Variants in ROBO2 observed in about 807,000 individuals in gnomAD.
ROBO2 encodes roundabout guidance receptor 2, also known as roundabout homolog 2.
Under a neutral mutation model 160.8 loss-of-function variants are expected in ROBO2, and 53 were observed. The ratio of observed to expected loss-of-function variants is 0.33; its 90% CI spans 0.26 to 0.41. The LOEUF (loss-of-function observed/expected upper bound fraction) is 0.41, where lower values mean the gene tolerates loss of function less well. ROBO2 is among the 10% of genes least tolerant of loss of function. The pLI, the probability that ROBO2 is intolerant of heterozygous loss-of-function variation, is 1.00. For missense variants in ROBO2, 1,577 were observed against 1,722.4 expected, an observed-to-expected ratio of 0.92 and a Z score of 1.49; for synonymous variants, 664 against 611.7, an observed-to-expected ratio of 1.09 and a Z score of -1.26.
At chr3:76,513,404 G>A (rs1453569474) in intron 2 of ROBO2, among the ~76,000 whole-genome samples, 2 of 151,926 alleles carry the variant, frequency 1.3e-5, no homozygotes, top group Non-Finnish European at 2.9e-5. Context: ...CCAGGCTGGA[G>A]TGCAGTGGTG....
In ROBO2 at chr3:76,798,215, AAAAG is replaced by A. The variant is rs1389595065; in HGVS notation, c.110-299789_110-299786del. On this transcript the variant is annotated intron_variant, in intron 2 of 26. Transcript: ENST00000487694. ...AAAAGAAGAAAGAAAGAGAAAGAGA[AAAAG>A]AAAGAAAGAGAAAGAAAGAAAAAAA... 1.6e-3 allele frequency among the ~76,000 whole-genome samples: 243 copies of A among 149,396 alleles called. 1 individual carries two copies. Among genetic ancestry groups the A allele is most frequent in the African/African-American group, 5.0e-3 (203 of 40,718 alleles).
intron 2 of ROBO2, among the ~76,000 whole-genome samples, chr3:76,617,460 A>G (rs1453273799): frequency 6.6e-6 from 1 of 152,196 alleles, no homozygotes; most frequent in Non-Finnish European, 1.5e-5. Context: ...ATATTTTTCT[A>G]TAGATTGGTT....
At chr3:76,581,180 G>A (rs1021040129) in intron 2 of ROBO2, among the ~76,000 whole-genome samples, 1 of 152,094 alleles carries the variant, frequency 6.6e-6, no homozygotes, top group Admixed American at 6.6e-5. Context: ...CACATATAAG[G>A]AAATACAGAT....
intron 2 of ROBO2, among the ~76,000 whole-genome samples, chr3:77,390,337 G>A (rs533247419): frequency 6.6e-6 from 1 of 152,240 alleles, no homozygotes; most frequent in South Asian, 2.1e-4. Context: ...GTTTGGCTGT[G>A]TCCCCAACCA....
At chr3:76,186,325 A>C (rs537794297) in intron 2 of ROBO2, among the ~76,000 whole-genome samples, 115 of 152,210 alleles carry the variant, frequency 7.6e-4, no homozygotes, top group African/African-American at 2.6e-3. Context: ...AAGCCGTGTC[A>C]TAGTATAATT....
chr3:77,519,914 T>C (rs2153626065), intron 5 of ROBO2, among the ~76,000 whole-genome samples: 1 of 151,592 alleles, frequency 6.6e-6, no homozygotes, highest in Non-Finnish European at 1.5e-5. Context: ...GTAAGCATTC[T>C]CTTTTTTCCA....
chr3:77,454,273 T>G (rs185950994), intron 2 of ROBO2, among the ~76,000 whole-genome samples: 128 of 152,302 alleles, frequency 8.4e-4, no homozygotes, highest in Non-Finnish European at 1.4e-3. Flanking sequence ...AGATAAGCGT[T>G]CAATTTGGTT....
intron 2 of ROBO2, among the ~76,000 whole-genome samples, chr3:76,741,425 A>G (rs2093800036): frequency 6.6e-6 from 1 of 152,054 alleles, no homozygotes; most frequent in Admixed American, 6.6e-5. Context: ...GATAAACCCT[A>G]AAAGTCTTTT....
chr3:77,426,079 G>C (rs180723393), intron 2 of ROBO2, among the ~76,000 whole-genome samples: 33 of 152,236 alleles, frequency 2.2e-4, no homozygotes, highest in Non-Finnish European at 2.2e-4. Flanking sequence ...GGTTGGATTG[G>C]GAGGGAGCAA....
chr3:77,298,093 T>C (rs1424636487), intron 2 of ROBO2, among the ~76,000 whole-genome samples: 1 of 152,134 alleles, frequency 6.6e-6, no homozygotes, highest in Non-Finnish European at 1.5e-5. Flanking sequence ...CATCAAAGGA[T>C]TCAGTGAAAA....
intron 2 of ROBO2, among the ~76,000 whole-genome samples, chr3:76,954,869 A>T (rs1049993599): frequency 5.3e-5 from 8 of 152,236 alleles, no homozygotes; most frequent in African/African-American, 1.9e-4. Flanking sequence ...ATAAAAAATT[A>T]TATATAGAAC....
intron 2 of ROBO2, among the ~76,000 whole-genome samples, chr3:76,041,465 C>A (rs552651387): frequency 6.6e-6 from 1 of 152,144 alleles, no homozygotes; most frequent in Non-Finnish European, 1.5e-5. Context: ...AATCACAGAA[C>A]TCTGCCCTCC....
intron 2 of ROBO2, among the ~76,000 whole-genome samples, chr3:76,098,697 A>G (rs1480447010): frequency 6.6e-6 from 1 of 152,178 alleles, no homozygotes; most frequent in Non-Finnish European, 1.5e-5. Context: ...TTTAAGAAAT[A>G]ATGGCTCTTA....
At chr3:76,647,416 G>A (rs927045905) in intron 2 of ROBO2, among the ~76,000 whole-genome samples, 4 of 152,132 alleles carry the variant, frequency 2.6e-5, no homozygotes, top group Non-Finnish European at 5.9e-5. Flanking sequence ...GAAACGGGGC[G>A]AGCCGAGCTG....
intron 2 of ROBO2, among the ~76,000 whole-genome samples, chr3:76,181,679 CTCTTTT>C (rs1344435768): frequency 1.3e-5 from 2 of 152,036 alleles, no homozygotes; most frequent in Non-Finnish European, 2.9e-5. Context: ...AATTTTCATT[CTCTTTT>C]TAATAGTCAT....
chr3:76,472,172 A>T (rs2078700592), intron 2 of ROBO2, among the ~76,000 whole-genome samples: 2 of 152,092 alleles, frequency 1.3e-5, no homozygotes, highest in Admixed American at 6.6e-5. Context: ...TAAAAGTGAC[A>T]GAAAAAAATA....
At chr3:76,903,661 G>A (rs890147506) in intron 2 of ROBO2, among the ~76,000 whole-genome samples, 2 of 152,112 alleles carry the variant, frequency 1.3e-5, no homozygotes, top group African/African-American at 2.4e-5. Context: ...GGGCAAATAG[G>A]CATAGCCCAA....
chr3:76,058,766 AT>A (rs1297025767), intron 2 of ROBO2, among the ~76,000 whole-genome samples: 1 of 148,058 alleles, frequency 6.8e-6, no homozygotes, highest in Non-Finnish European at 1.5e-5. Flanking sequence ...GTTGTTTGGC[AT>A]TAGGTATATC....
intron 2 of ROBO2, among the ~76,000 whole-genome samples, chr3:77,215,706 TG>T (rs1035952348): frequency 2.0e-5 from 3 of 152,174 alleles, no homozygotes; most frequent in African/African-American, 7.2e-5. Flanking sequence ...CCCATCTTTG[TG>T]GTTTTATCTA....
Sources: allele counts gnomAD v4.1 joint callset (sites outside exome capture counted in the v4.1 genomes callset), GRCh38; gene constraint gnomAD v4.1.1; transcripts MANE v1.5; gene names NCBI Gene and HGNC (gene_info 2026-07-23, HGNC 2026-07-21).